CSMD3: variants seen among roughly 807,000 people sequenced by gnomAD.
The protein encoded by CSMD3 is CUB and Sushi multiple domains 3, also known as CUB and sushi domain-containing protein 3.
In CSMD3, 177 loss-of-function variants were observed where a neutral mutation model predicts 435.2. The observed-to-expected ratio is 0.41, with a 90% confidence interval of 0.36 to 0.46. CSMD3 has a LOEUF of 0.46. Ranked by LOEUF, CSMD3 falls within the 20% of genes least tolerant of loss-of-function variation. The probability of loss-of-function intolerance (pLI) is 0.34; values close to 1 mark genes in which losing one functional copy is unlikely to be tolerated. For synonymous variants in CSMD3, 1,656 were observed against 1,520.5 expected, an observed-to-expected ratio of 1.09 and a Z score of -2.07; for missense variants, 4,265 against 4,504.6, an observed-to-expected ratio of 0.95 and a Z score of 1.52.
At chr8:112,564,577 A>C (rs2131265135) in intron 24 of CSMD3, among the ~76,000 whole-genome samples, 2 of 152,194 alleles carry the variant, frequency 1.3e-5, no homozygotes, top group Non-Finnish European at 2.9e-5. Context: ...GAAATTCAGC[A>C]GTTCAGGGAA....
chr8:113,071,133 G>A (rs1387574926), intron 5 of CSMD3, among the ~76,000 whole-genome samples: 1 of 151,850 alleles, frequency 6.6e-6, no homozygotes, highest in Non-Finnish European at 1.5e-5. Flanking sequence ...GGAAATATCT[G>A]TTCAAGCGTT....
chr8:112,756,960 G>A (rs2077715510), intron 13 of CSMD3, among the ~76,000 whole-genome samples: 1 of 151,924 alleles, frequency 6.6e-6, no homozygotes, highest in Admixed American at 6.6e-5. Context: ...GTAGAGACGA[G>A]GTTTCACCAT....
At chr8:112,319,109 A>C (rs1822747617) in intron 46 of CSMD3, among the ~76,000 whole-genome samples, 159 bp from the exon 47 acceptor site, 1 of 152,164 alleles carries the variant, frequency 6.6e-6, no homozygotes, top group African/African-American at 2.4e-5. Flanking sequence ...AAATATTGAA[A>C]AACCAGTATA....
intron 38 of CSMD3, among the ~76,000 whole-genome samples, chr8:112,353,609 A>G (rs1316647459): frequency 6.6e-6 from 1 of 152,186 alleles, no homozygotes. Context: ...TCTAGAGTCA[A>G]TGAATAAATC....
At chr8:112,567,095 C>T (rs1829119345) in intron 24 of CSMD3, among the ~76,000 whole-genome samples, 1 of 152,098 alleles carries the variant, frequency 6.6e-6, no homozygotes, top group African/African-American at 2.4e-5. Context: ...CGGTTATTTG[C>T]TACTGCTAGT....
rs527330510 is a variant in CSMD3 at position 112,682,357 on chromosome 8, T to C, written c.2677+85A>G. 471 of 942,776 alleles carry C rather than the reference T, an allele frequency of 5.0e-4. 1 individual carries two copies. In the African/African-American group the frequency reaches 6.7e-3, roughly 13 times the overall value. The allele number at this position is 942,776 out of a possible 1,614,324, so 58.4% of individuals were successfully genotyped here. A position where few individuals can be genotyped will look rare whatever the true frequency, so the allele number is the denominator to read the frequency against. On this transcript the variant is annotated intron_variant, in intron 16 of 70. Transcript: ENST00000297405. ...TGTTTTAAGATAATGATTATGACAG[T>C]CCTGGTAGGATAATGTGTTTCTTGT...
intron 2 of CSMD3, among the ~76,000 whole-genome samples, chr8:113,302,751 G>T (rs1312910255): frequency 6.9e-6 from 1 of 145,846 alleles, no homozygotes; most frequent in Non-Finnish European, 1.5e-5. Flanking sequence ...GGTATTGATG[G>T]GACGTATTTC....
chr8:112,915,263 A>G (rs1215030391), intron 10 of CSMD3, among the ~76,000 whole-genome samples: 6 of 151,710 alleles, frequency 4.0e-5, no homozygotes, highest in Admixed American at 3.3e-4. Flanking sequence ...TTTTTAGTTT[A>G]GCGAAAGCGT....
intron 32 of CSMD3, among the ~76,000 whole-genome samples, chr8:112,452,472 C>A (rs1331526206): frequency 6.6e-6 from 1 of 152,044 alleles, no homozygotes; most frequent in African/African-American, 2.4e-5. Context: ...ACCAGGTGTT[C>A]TAGGCTAGTA....
chr8:112,877,279 T>A (rs183693512), intron 10 of CSMD3, among the ~76,000 whole-genome samples: 1,631 of 151,968 alleles, frequency 0.011, 16 homozygotes, highest in Non-Finnish European at 0.018. Flanking sequence ...TTTTTTTTTT[T>A]AATTTGAGAA....
At chr8:113,289,568 G>C (rs915642381) in intron 2 of CSMD3, among the ~76,000 whole-genome samples, 1 of 151,014 alleles carries the variant, frequency 6.6e-6, no homozygotes, top group Non-Finnish European at 1.5e-5. Context: ...GAGAGAGAGA[G>C]AGAGAGAGAG....
chr8:112,733,987 G>T (rs2077130945), intron 13 of CSMD3, among the ~76,000 whole-genome samples: 1 of 151,778 alleles, frequency 6.6e-6, no homozygotes, highest in African/African-American at 2.4e-5. Context: ...TCCTCCAAGG[G>T]TTTTCTTTTG....
chr8:112,903,632 A>T (rs920853172), intron 10 of CSMD3, among the ~76,000 whole-genome samples: 1 of 151,024 alleles, frequency 6.6e-6, no homozygotes, highest in Non-Finnish European at 1.5e-5. Context: ...CTGGTGTGGG[A>T]TTCCTAAACT....
intron 13 of CSMD3, among the ~76,000 whole-genome samples, chr8:112,714,323 CAAAG>C (rs938119867): frequency 6.6e-6 from 1 of 150,446 alleles, no homozygotes; most frequent in Non-Finnish European, 1.5e-5. Flanking sequence ...TCAAAAAAGA[CAAAG>C]AAAGGCATTA....
chr8:112,797,640 G>T lies in CSMD3; in HGVS notation c.1972+2522C>A, dbSNP rs557742617. Among the ~76,000 whole-genome samples, 7 of 151,830 alleles carry T rather than the reference G, an allele frequency of 4.6e-5. No individual in the cohort carries two copies. In the East Asian group the frequency reaches 1.4e-3, roughly 29 times the overall value. On this transcript the variant is annotated intron_variant, in intron 13 of 70. Transcript: ENST00000297405. ...GATATCTTTAGACAAATCTGGAAAG[G>T]TTTTTAGCAGGTGTTCCATTTAGAA...
At chr8:113,179,952 C>G (rs1425397781) in intron 3 of CSMD3, among the ~76,000 whole-genome samples, 2 of 151,726 alleles carry the variant, frequency 1.3e-5, no homozygotes, top group Non-Finnish European at 2.9e-5. Context: ...AGGAAGAAAA[C>G]CTTACCTTGA....
At position 112,517,069 on chromosome 8, in the gene CSMD3, C is replaced by A; in HGVS notation, c.4721G>T (p.Arg1574Leu). ...ERITCIQVEN[R>L]YFWQPSPPVC... is the part of the protein sequence containing the mutation. Reference sequence around the variant, plus strand: ...TGGTGGGCTGGGCTGCCAGAAGTACCGATTTTCTACCTGAATGCAGGTTAT... The same window carrying A: ...TGGTGGGCTGGGCTGCCAGAAGTACAGATTTTCTACCTGAATGCAGGTTAT... The change falls in exon 28 of 71, where the codon CGG (arginine) becomes CTG (leucine). Residue 1574 changes from arginine to leucine, a missense_variant. By Grantham distance (102) the Arg-to-Leu change is moderately radical (BLOSUM62 -2). Coordinates refer to ENST00000297405, the MANE Select transcript of CSMD3 (RefSeq NM_198123.2). 3.1e-6 allele frequency: 5 copies of A among 1,613,662 alleles called. No homozygotes were observed. The highest frequency in any genetic ancestry group is 4.2e-6 in the Non-Finnish European group (5 of 1,179,864).
At chr8:112,484,134 G>A (rs540475526) in intron 31 of CSMD3, among the ~76,000 whole-genome samples, 7 of 152,172 alleles carry the variant, frequency 4.6e-5, no homozygotes, top group East Asian at 1.9e-4. Context: ...TCTCCTTTCC[G>A]TTATATTCAG....
At chr8:113,301,178 T>C (rs2093763598) in intron 2 of CSMD3, among the ~76,000 whole-genome samples, 1 of 151,908 alleles carries the variant, frequency 6.6e-6, no homozygotes, top group Admixed American at 6.6e-5. Context: ...AAGGAGAGGA[T>C]GGGATACAAA....
Sources: gnomAD v4.1 joint callset for allele counts (sites outside exome capture counted in the v4.1 genomes callset) on GRCh38, gnomAD v4.1.1 for gene constraint, MANE v1.5 for transcripts, NCBI Gene and HGNC (gene_info 2026-07-23, HGNC 2026-07-21) for gene names.